CRADD: variants seen among roughly 807,000 people sequenced by gnomAD.
The protein encoded by CRADD is death domain-containing protein CRADD.
CRADD carries 9 observed loss-of-function variants against 15.5 expected under a neutral mutation model. The ratio of observed to expected loss-of-function variants is 0.58; its 90% CI spans 0.35 to 1.01. The LOEUF (loss-of-function observed/expected upper bound fraction) is 1.01, where lower values mean the gene tolerates loss of function less well. CRADD is among the 50% of genes least tolerant of loss of function. The pLI, the probability that CRADD is intolerant of heterozygous loss-of-function variation, is 0.02. For missense variants in CRADD, 227 were observed against 250.3 expected (o/e 0.91, Z 0.63); for synonymous variants, 118 against 107.6 (o/e 1.10, Z -0.60).
At chr12:93,892,557 C>G (rs942345104) in intron 2 of CRADD, among the ~76,000 whole-genome samples, 8 of 152,030 alleles carry the variant, frequency 5.3e-5, no homozygotes, top group Admixed American at 3.3e-4. Flanking sequence ...GAGTGTCACT[C>G]CCCTAATCTC....
At chr12:93,806,482 G>GA (rs1275335348) in intron 2 of CRADD, among the ~76,000 whole-genome samples, 2 of 123,776 alleles carry the variant, frequency 1.6e-5, no homozygotes, top group Admixed American at 1.6e-4. Flanking sequence ...ACAAAAAAAA[G>GA]AAAAAAAAGG....
At chr12:93,847,191 C>T (rs889112383) in intron 2 of CRADD, among the ~76,000 whole-genome samples, 2 of 151,982 alleles carry the variant, frequency 1.3e-5, no homozygotes, top group African/African-American at 4.8e-5. Context: ...GTATTTAGAC[C>T]TCAGACAGGA....
chr12:93,750,374 C>G (rs1481595846), intron 2 of CRADD, among the ~76,000 whole-genome samples: 1 of 152,142 alleles, frequency 6.6e-6, no homozygotes, highest in Non-Finnish European at 1.5e-5. Flanking sequence ...TAAGGCTCAT[C>G]TGATTCTGTA....
intron 2 of CRADD, among the ~76,000 whole-genome samples, chr12:93,859,773 G>A (rs1016251882): frequency 6.6e-6 from 1 of 151,912 alleles, no homozygotes; most frequent in Non-Finnish European, 1.5e-5. Context: ...CTCCCCAGCT[G>A]GAGTGCAGTG....
intron 2 of CRADD, among the ~76,000 whole-genome samples, chr12:93,746,195 T>C (rs900622362): frequency 1.3e-5 from 2 of 152,200 alleles, no homozygotes; most frequent in Non-Finnish European, 2.9e-5. Context: ...TTAAAGAAGA[T>C]TGGGATTTTC....
chr12:93,801,013 G>A (rs1427054387), intron 2 of CRADD, among the ~76,000 whole-genome samples: 3 of 152,092 alleles, frequency 2.0e-5, no homozygotes, highest in Admixed American at 6.5e-5. Flanking sequence ...TAAGCTAGTC[G>A]TTGAATCTAG....
chr12:93,722,528 C>T (rs1391000749), intron 2 of CRADD, among the ~76,000 whole-genome samples: 2 of 151,924 alleles, frequency 1.3e-5, no homozygotes, highest in East Asian at 1.9e-4. Context: ...GTTTTTCAGT[C>T]TTTCTTCTCT....
At chr12:93,745,247 A>G (rs142439502) in intron 2 of CRADD, among the ~76,000 whole-genome samples, 8 of 152,312 alleles carry the variant, frequency 5.3e-5, no homozygotes, top group East Asian at 3.9e-4. Flanking sequence ...AATTTTTCTC[A>G]TTCATTAATT....
rs555363510 is a variant in CRADD, at chr12:93,709,850, G to T, written c.298+30778G>T. On this transcript the variant is annotated intron_variant, in intron 2 of 2. Transcript: ENST00000332896. Reference sequence around the variant, plus strand: ...TGAGCCATAGTACTTTCCACAAGTGGTTCATTTTAACTAGAATAGCTGGTT... The same window carrying T: ...TGAGCCATAGTACTTTCCACAAGTGTTTCATTTTAACTAGAATAGCTGGTT... Among the ~76,000 whole-genome samples the T allele has an allele frequency of 1.1e-4, 17 of 152,284 alleles. 1 individual carries two copies. Among genetic ancestry groups the T allele is most frequent in the Middle Eastern group, 6.8e-3 (2 of 292 alleles).
chr12:93,725,428 A>G (rs1181693859), intron 2 of CRADD, among the ~76,000 whole-genome samples: 4 of 145,274 alleles, frequency 2.8e-5, no homozygotes, highest in Non-Finnish European at 5.9e-5. Flanking sequence ...ATGTTTTTAA[A>G]AAGTAGAAAT....
chr12:93,887,743 T>G (rs1051094051), intron 2 of CRADD, among the ~76,000 whole-genome samples: 1 of 152,134 alleles, frequency 6.6e-6, no homozygotes, highest in Non-Finnish European at 1.5e-5. Flanking sequence ...AAAATAAAAT[T>G]TACTGAGCAC....
chr12:93,847,707 T>C (rs1958147753), intron 2 of CRADD, among the ~76,000 whole-genome samples: 1 of 151,984 alleles, frequency 6.6e-6, no homozygotes, highest in South Asian at 2.1e-4. Flanking sequence ...GTTAAAGAAA[T>C]GTATAACTAT....
At chr12:93,744,420 A>C (rs10859570) in intron 2 of CRADD, among the ~76,000 whole-genome samples, 22,475 of 152,170 alleles carry the variant, frequency 0.15, 2,709 homozygotes, top group African/African-American at 0.33. Context: ...GCCTTCCCCT[A>C]ATGTGTTTCT....
At position 93,705,785 on chromosome 12, in the gene CRADD, T is replaced by C. The variant is rs181524246; in HGVS notation, c.298+26713T>C. Among the ~76,000 whole-genome samples the C allele has an allele frequency of 3.9e-5, 6 of 152,376 alleles. No homozygotes were observed. The East Asian group carries it at 7.7e-4, about 20-fold the overall frequency. ...TTCATTTCTTAAATTCTTGTTGAACTTTCATTTGATTGTCAGAGCCACATA... is the reference window on the plus strand; with the variant it reads ...TTCATTTCTTAAATTCTTGTTGAACCTTCATTTGATTGTCAGAGCCACATA... On this transcript the variant is annotated intron_variant, in intron 2 of 2. Transcript: ENST00000332896.
At chr12:93,720,912 G>C (rs1053499841) in intron 2 of CRADD, among the ~76,000 whole-genome samples, 1 of 152,146 alleles carries the variant, frequency 6.6e-6, no homozygotes, top group Non-Finnish European at 1.5e-5. Context: ...CATTTGAGGT[G>C]ATTGTTAGTT....
At chr12:93,732,141 A>C (rs1956477510) in intron 2 of CRADD, among the ~76,000 whole-genome samples, 1 of 147,490 alleles carries the variant, frequency 6.8e-6, no homozygotes, top group South Asian at 2.1e-4. Flanking sequence ...CGTCTCAAGA[A>C]AAAAAAAAAA....
intron 2 of CRADD, among the ~76,000 whole-genome samples, chr12:93,808,976 G>A (rs1014090479): frequency 4.6e-5 from 7 of 151,940 alleles, no homozygotes; most frequent in Non-Finnish European, 7.4e-5. Flanking sequence ...GTGCAATGGC[G>A]CCTTCTTGGC....
At chr12:93,857,566 T>A (rs10745667) in intron 2 of CRADD, among the ~76,000 whole-genome samples, 8 of 152,004 alleles carry the variant, frequency 5.3e-5, no homozygotes, top group African/African-American at 4.8e-5. Context: ...GTGGTTTATC[T>A]TTGTCCATTT....
intron 2 of CRADD, among the ~76,000 whole-genome samples, chr12:93,833,822 G>T (rs1483372123): frequency 6.6e-6 from 1 of 150,764 alleles, no homozygotes; most frequent in African/African-American, 2.4e-5. Context: ...TTCATTTTGT[G>T]TTTTTTTTTC....
Sources: allele counts gnomAD v4.1 joint callset (sites outside exome capture counted in the v4.1 genomes callset), GRCh38; gene constraint gnomAD v4.1.1; transcripts MANE v1.5; gene names NCBI Gene and HGNC (gene_info 2026-07-23, HGNC 2026-07-21).